Variants in KLHL32 observed in about 807,000 individuals in gnomAD.
KLHL32 encodes kelch like family member 32.
Under a neutral mutation model 64.8 loss-of-function variants are expected in KLHL32, and 35 were observed. That is an observed-to-expected ratio of 0.54 (90% CI 0.41 to 0.72). The LOEUF (loss-of-function observed/expected upper bound fraction) is 0.72. Among genes scored for constraint, KLHL32 ranks in the 30% least tolerant of loss-of-function variants. KLHL32 has a pLI of 0.00. For synonymous variants in KLHL32, 259 were observed against 281.0 expected (o/e 0.92, Z 0.78); for missense variants, 589 against 768.5 (o/e 0.77, Z 2.76).
chr6:96,958,127 A>C (rs1773469182), intron 1 of KLHL32, among the ~76,000 whole-genome samples: 2 of 152,236 alleles, frequency 1.3e-5, no homozygotes, highest in African/African-American at 4.8e-5. Flanking sequence ...GTGATTAGTA[A>C]ATTGCACTGG....
the KLHL32 span, among the ~76,000 whole-genome samples, chr6:96,911,709 C>A: frequency 6.6e-6 from 1 of 151,768 alleles, no homozygotes; most frequent in Non-Finnish European, 1.5e-5. Flanking sequence ...CTGCTAAATC[C>A]AATAAACATT....
intron 3 of KLHL32, among the ~76,000 whole-genome samples, chr6:97,023,405 C>G (rs1782283423): frequency 6.6e-6 from 1 of 152,116 alleles, no homozygotes; most frequent in Admixed American, 6.6e-5. Context: ...AGTGTAACTT[C>G]TTTCAATTTC....
At chr6:96,969,076 G>A (rs897367383) in intron 2 of KLHL32, among the ~76,000 whole-genome samples, 1 of 152,108 alleles carries the variant, frequency 6.6e-6, no homozygotes, top group Non-Finnish European at 1.5e-5. Flanking sequence ...CACTTGGCTT[G>A]CAGTCTTCCT....
chr6:96,963,446 C>A (rs67810395), intron 1 of KLHL32, among the ~76,000 whole-genome samples: 1 of 152,044 alleles, frequency 6.6e-6, no homozygotes, highest in Non-Finnish European at 1.5e-5. Context: ...TGAAAATGTT[C>A]TTTATAAATG....
At chr6:96,984,389 A>G (rs993454867) in intron 3 of KLHL32, among the ~76,000 whole-genome samples, 3 of 152,200 alleles carry the variant, frequency 2.0e-5, no homozygotes, top group South Asian at 4.1e-4. Flanking sequence ...GTAGATGTCT[A>G]TTAGGTCCGC....
intron 3 of KLHL32, among the ~76,000 whole-genome samples, chr6:96,984,223 G>A (rs1049694126): frequency 6.6e-6 from 1 of 152,220 alleles, no homozygotes; most frequent in South Asian, 2.1e-4. Flanking sequence ...GTTCTAGTTT[G>A]ATTGCACTGT....
At chr6:96,925,883 CAGAT>C (rs1217219517) in intron 1 of KLHL32, among the ~76,000 whole-genome samples, 1 of 152,104 alleles carries the variant, frequency 6.6e-6, no homozygotes, top group Non-Finnish European at 1.5e-5. Context: ...TCTCTATACA[CAGAT>C]AGAGATAGAT....
intron 10 of KLHL32, among the ~76,000 whole-genome samples, chr6:97,135,695 T>C (rs1330452066): frequency 6.6e-6 from 1 of 152,204 alleles, no homozygotes; most frequent in Non-Finnish European, 1.5e-5. Flanking sequence ...GAGGTATTCA[T>C]GGATAGTGAC....
At chr6:97,002,286 G>T (rs1418070288) in intron 3 of KLHL32, among the ~76,000 whole-genome samples, 1 of 152,140 alleles carries the variant, frequency 6.6e-6, no homozygotes, top group East Asian at 1.9e-4. Context: ...ACTCACATTA[G>T]AGAAAGCAAT....
intron 5 of KLHL32, among the ~76,000 whole-genome samples, chr6:97,077,983 T>C (rs1325125254): frequency 6.6e-6 from 1 of 152,218 alleles, no homozygotes; most frequent in African/African-American, 2.4e-5. Context: ...GTGTATGTGA[T>C]AGGAAACTTG....
At chr6:97,059,913 A>G (rs1028726257) in intron 4 of KLHL32, among the ~76,000 whole-genome samples, 2 of 152,134 alleles carry the variant, frequency 1.3e-5, no homozygotes, top group Non-Finnish European at 2.9e-5. Flanking sequence ...AAAAAAAAAT[A>G]CCAAAGAAAC....
intron 3 of KLHL32, among the ~76,000 whole-genome samples, chr6:97,005,186 T>A (rs1158181685): frequency 6.6e-6 from 1 of 152,120 alleles, no homozygotes; most frequent in Admixed American, 6.5e-5. Context: ...AGGATTTCAA[T>A]TTCTTCCTGG....
At chr6:97,097,276 C>T (rs763772420) in intron 6 of KLHL32, among the ~76,000 whole-genome samples, 3 of 152,096 alleles carry the variant, frequency 2.0e-5, no homozygotes, top group Admixed American at 1.3e-4. Flanking sequence ...TCACTCCAGC[C>T]GTCTGTTGAT....
chr6:97,114,644 C>A, intron 7 of KLHL32, 135 bp downstream of exon 7: 1 of 1,016,378 alleles, frequency 9.8e-7, no homozygotes, highest in Admixed American at 1.9e-5. Context: ...AATTAACATT[C>A]ATTTATTGAG....
intron 10 of KLHL32, among the ~76,000 whole-genome samples, chr6:97,135,291 A>C (rs1799866046): frequency 7.0e-6 from 1 of 142,588 alleles, no homozygotes; most frequent in African/African-American, 2.7e-5. Context: ...GCACAGACAA[A>C]TTTGTTAATT....
At chr6:97,121,752 G>A (rs747137312) in intron 7 of KLHL32, among the ~76,000 whole-genome samples, 7 of 152,028 alleles carry the variant, frequency 4.6e-5, no homozygotes, top group South Asian at 2.1e-4. Context: ...AGTAAAAGAC[G>A]GTAAACTAAA....
chr6:97,065,029 G>A (rs1789512419), intron 5 of KLHL32, among the ~76,000 whole-genome samples: 1 of 152,164 alleles, frequency 6.6e-6, no homozygotes, highest in Non-Finnish European at 1.5e-5. Context: ...CGGGGGAGGT[G>A]TCGCTAAAAG....
intron 3 of KLHL32, chr6:96,999,669 CT>C (rs1301146748): frequency 3.8e-6 from 1 of 265,772 alleles, no homozygotes; most frequent in East Asian, 1.8e-4. Flanking sequence ...GTTTTTCAAA[CT>C]TTGAATTTTA....
At chr6:96,898,102 A>G in the KLHL32 span, among the ~76,000 whole-genome samples, 1 of 152,158 alleles carries the variant, frequency 6.6e-6, no homozygotes, top group Non-Finnish European at 1.5e-5. Context: ...ACTCCGAGGG[A>G]GTCACCCGGG....
Sources: allele counts gnomAD v4.1 joint callset (sites outside exome capture counted in the v4.1 genomes callset), GRCh38; gene constraint gnomAD v4.1.1; transcripts MANE v1.5; gene names NCBI Gene and HGNC (gene_info 2026-07-23, HGNC 2026-07-21).